The following MYO3A variants were observed in gnomAD, a reference collection of about 807,000 sequenced individuals.
The protein encoded by MYO3A is myosin-IIIa.
MYO3A carries 180 observed loss-of-function variants against 192.7 expected under a neutral mutation model. The observed-to-expected ratio is 0.93, with a 90% CI of 0.83 to 1.06. The LOEUF is 1.06. MYO3A is among the 50% of genes least tolerant of loss of function. The pLI is 0.00. For synonymous variants in MYO3A, 628 were observed against 645.3 expected (o/e 0.97, Z 0.41); for missense variants, 1,896 against 1,905.0 (o/e 1.00, Z 0.09).
intron 15 of MYO3A, 73 bp from the exon 16 acceptor site, chr10:26,096,308 A>G (rs1032411751): frequency 1.7e-6 from 2 of 1,144,696 alleles, no homozygotes; most frequent in African/African-American, 1.6e-5. Flanking sequence ...TTGTTCAAAT[A>G]ATTATATTGT....
intron 17 of MYO3A, among the ~76,000 whole-genome samples, chr10:26,099,645 C>G (rs1054894214): frequency 6.6e-6 from 1 of 152,090 alleles, no homozygotes. Context: ...TGTTGAAGGC[C>G]TTTTCTGCAT....
intron 10 of MYO3A, among the ~76,000 whole-genome samples, chr10:26,063,875 T>C (rs1019796598): frequency 8.5e-5 from 13 of 152,166 alleles, no homozygotes; most frequent in African/African-American, 1.2e-4. Context: ...GAAAGACAGA[T>C]TGTGTAATGT....
At chr10:26,108,094 G>A (rs1463464118) in intron 17 of MYO3A, among the ~76,000 whole-genome samples, 1 of 152,096 alleles carries the variant, frequency 6.6e-6, no homozygotes, top group Non-Finnish European at 1.5e-5. Flanking sequence ...AAAGTATCGT[G>A]TTTAATAGGG....
intron 4 of MYO3A, among the ~76,000 whole-genome samples, chr10:25,981,481 C>T (rs1203317523): frequency 6.6e-6 from 1 of 152,038 alleles, no homozygotes; most frequent in East Asian, 1.9e-4. Context: ...CTTCAAAAGA[C>T]ACTTAAAATA....
chr10:26,004,126 G>A (rs549251568), intron 6 of MYO3A, among the ~76,000 whole-genome samples: 75 of 152,304 alleles, frequency 4.9e-4, no homozygotes, highest in African/African-American at 1.8e-3. Flanking sequence ...GAGTCTGAGA[G>A]GGGTAAGGAA....
At chr10:26,078,811 G>T (rs1835754326) in intron 14 of MYO3A, among the ~76,000 whole-genome samples, 1 of 152,054 alleles carries the variant, frequency 6.6e-6, no homozygotes, top group Non-Finnish European at 1.5e-5. Context: ...GTATTTGCAT[G>T]ATTTTGAAGG....
chr10:26,166,211 ATAAT>A (rs768653964), intron 27 of MYO3A, 33 bp downstream of exon 27: 33 of 1,493,284 alleles, frequency 2.2e-5, no homozygotes, highest in Non-Finnish European at 6.5e-6. Context: ...AGGAAAATAA[ATAAT>A]TATGCTGGGT....
intron 14 of MYO3A, among the ~76,000 whole-genome samples, chr10:26,081,133 T>TGCCCCCCCCCC: frequency 2.4e-5 from 2 of 84,982 alleles, no homozygotes. Context: ...TATATGCCCT[T>TGCCCCCCCCCC]CCCCCCCCCC....
At chr10:26,020,173 A>T (rs2131072984) in intron 7 of MYO3A, among the ~76,000 whole-genome samples, 1 of 152,370 alleles carries the variant, frequency 6.6e-6, no homozygotes. Context: ...CGCCAGAGCC[A>T]GAATATTACC....
At chr10:26,130,575 A>G (rs945379327) in intron 20 of MYO3A, among the ~76,000 whole-genome samples, 9 of 152,238 alleles carry the variant, frequency 5.9e-5, no homozygotes, top group Non-Finnish European at 1.3e-4. Flanking sequence ...ACAAAATAAA[A>G]CATTCAACTA....
chr10:26,042,083 C>G (rs1843381518), intron 10 of MYO3A, among the ~76,000 whole-genome samples: 1 of 151,988 alleles, frequency 6.6e-6, no homozygotes. Flanking sequence ...GTATTTTTGC[C>G]AGATATACTA....
intron 6 of MYO3A, among the ~76,000 whole-genome samples, chr10:26,002,689 A>AGTCAGGGTGGAGCAGGTAATCAG (rs1840915712): frequency 4.7e-5 from 6 of 127,822 alleles, no homozygotes; most frequent in African/African-American, 1.9e-4. Flanking sequence ...CAGGTGATTG[A>AGTCAGGGTGGAGCAGGTAATCAG]AATGAGTCAG....
intron 7 of MYO3A, among the ~76,000 whole-genome samples, chr10:26,020,576 C>T (rs1246564087): frequency 6.6e-6 from 1 of 151,946 alleles, no homozygotes; most frequent in Non-Finnish European, 1.5e-5. Context: ...CTACATCTGC[C>T]ATCATTCTAA....
At chr10:26,086,247 A>G (rs1455329399) in intron 14 of MYO3A, among the ~76,000 whole-genome samples, 1 of 152,152 alleles carries the variant, frequency 6.6e-6, no homozygotes, top group Non-Finnish European at 1.5e-5. Context: ...AAAGGGGGAA[A>G]TGCCACTGTT....
rs1484500187 is a variant in MYO3A, at chr10:26,081,497, C to A, written c.1360-6706C>A. Among the ~76,000 whole-genome samples, 6 of 152,294 alleles carry A rather than the reference C, an allele frequency of 3.9e-5. No homozygotes were observed. The East Asian group carries it at 1.2e-3, about 29-fold the overall frequency. On this transcript the variant is annotated intron_variant, in intron 14 of 34. Coordinates refer to ENST00000642920, the MANE Select transcript of MYO3A (RefSeq NM_017433.5). ...CTGCCGCAGGCTATCCTCCTCCCAG[C>A]TGCAAAAGAAAAGTGCTTGGCTCTT... is the stretch of plus-strand genomic sequence containing the variant.
chr10:26,136,410 G>A (rs1839848770), intron 20 of MYO3A, among the ~76,000 whole-genome samples: 1 of 152,198 alleles, frequency 6.6e-6, no homozygotes, highest in African/African-American at 2.4e-5. Context: ...TGTAAGTTCT[G>A]TGAAAGAACT....
At chr10:26,033,326 G>A (rs1002030809) in intron 10 of MYO3A, among the ~76,000 whole-genome samples, 12 of 152,020 alleles carry the variant, frequency 7.9e-5, no homozygotes, top group African/African-American at 1.7e-4. Flanking sequence ...TGGTCCACCC[G>A]CTTCGGCCTC....
At chr10:26,151,572 G>A (rs534434179) in intron 23 of MYO3A, among the ~76,000 whole-genome samples, 1 of 151,870 alleles carries the variant, frequency 6.6e-6, no homozygotes, top group Non-Finnish European at 1.5e-5. Context: ...TCAAAGTAGG[G>A]TTTTTCTAAA....
At chr10:26,079,473 T>G (rs374372057) in intron 14 of MYO3A, among the ~76,000 whole-genome samples, 1 of 152,230 alleles carries the variant, frequency 6.6e-6, no homozygotes. Context: ...ATCTTTTAAG[T>G]GGAGCCTTTA....
Sources: allele counts gnomAD v4.1 joint callset (sites outside exome capture counted in the v4.1 genomes callset), GRCh38; gene constraint gnomAD v4.1.1; transcripts MANE v1.5; gene names NCBI Gene and HGNC (gene_info 2026-07-23, HGNC 2026-07-21).